Variants in ATP8B2 observed in about 807,000 individuals in gnomAD.
ATP8B2 encodes phospholipid-transporting ATPase ID.
Under a neutral mutation model 133.4 loss-of-function variants are expected in ATP8B2, and 70 were observed. The observed-to-expected ratio is 0.52, with a 90% CI of 0.43 to 0.64. The LOEUF is 0.64. Among genes scored for constraint, ATP8B2 ranks in the 30% least tolerant of loss-of-function variants. The pLI, the probability that ATP8B2 is intolerant of heterozygous loss-of-function variation, is 0.00. For synonymous variants in ATP8B2, 517 were observed against 589.5 expected (o/e 0.88, Z 1.78); for missense variants, 1,101 against 1,535.7 (o/e 0.72, Z 4.73).
rs766756850 is a variant in ATP8B2, at chr1:154,328,725, G to C, written c.31+553G>C. ...CGGGGGCGGAACCCTGGGCGTGCTC[G>C]GCGTGTCCGGGGCCACTCAGCGCAC... is the stretch of plus-strand genomic sequence containing the variant. On this transcript the variant is annotated intron_variant, in intron 2 of 27. Coordinates refer to ENST00000368489, the MANE Select transcript of ATP8B2 (RefSeq NM_001370597.1). This position sits in a 1 kb window ranked among gnomAD's most constrained non-coding sequence, Gnocchi z 4.6. The C allele has an allele frequency of 1.1e-6, 1 of 903,700 alleles. No homozygotes were observed. The highest frequency in any genetic ancestry group is 1.3e-6 in the Non-Finnish European group (1 of 754,560). The allele number at this position is 903,700 out of a possible 1,614,324, so 56.0% of individuals were successfully genotyped here.
rs780201113 is a variant in ATP8B2, at chr1:154,349,050, C to T, written c.3505C>T (p.Leu1169=). The change falls in exon 28 of 28, where the codon CTG becomes TTG. Residue 1169 remains leucine (L), a synonymous_variant. Transcript: ENST00000368489. ...CTCCAGCTCCAGCTGGATTGAGAGCCTGCGCAGGAAGAAGAGTGACAGTGC... is the reference window on the plus strand; with the variant it reads ...CTCCAGCTCCAGCTGGATTGAGAGCTTGCGCAGGAAGAAGAGTGACAGTGC... ...TRSSSSWIES[L]RRKKSDSASS... is the part of the protein sequence containing the mutation. The T allele has an allele frequency of 1.5e-5, 24 of 1,614,250 alleles. No individual in the cohort carries two copies. The South Asian group carries it at 2.3e-4, about 16-fold the overall frequency.
At position 154,337,370 on chromosome 1, in the gene ATP8B2, T is replaced by G. The variant is rs1157300660; in HGVS notation, c.860T>G (p.Met287Arg). ...CAGATTTTTGGATTCCTGGTTTGCA[T>G]GGGGGTGATCCTGGCCATTGGCAAT... The part of the protein sequence containing the change: ...VLWIFGFLVC[M>R]GVILAIGNAI... The change falls in exon 12 of 28, where the codon ATG becomes AGG. Residue 287 changes from methionine to arginine, a missense_variant. By Grantham distance (91) the Met-to-Arg change is moderately conservative. Transcript: ENST00000368489. 1 of 1,613,382 alleles carries G rather than the reference T, an allele frequency of 6.2e-7. No individual in the cohort carries two copies. The highest frequency in any genetic ancestry group is 2.2e-5 in the East Asian group (1 of 44,882).
chr1:154,349,233 T>C lies in ATP8B2; in HGVS notation c.*115T>C. 7.4e-7 allele frequency: 1 copy of C among 1,342,618 alleles called. No homozygotes were observed. The highest frequency in any genetic ancestry group is 1.0e-6 in the Non-Finnish European group (1 of 984,826). The allele number at this position is 1,342,618 out of a possible 1,614,324, so 83.2% of individuals were successfully genotyped here. ...CATTCCTTGCTTCCCGTCCCCCCGG[T>C]AGACTCTGTCCTGCTGGTCCCACCA... is the stretch of plus-strand genomic sequence containing the variant. On this transcript the variant is annotated 3_prime_UTR_variant, in exon 28 of 28. Transcript: ENST00000368489.
intron 12 of ATP8B2, 147 bp downstream of exon 12, chr1:154,337,691 T>C: frequency 6.4e-7 from 1 of 1,573,630 alleles, no homozygotes; most frequent in East Asian, 2.2e-5. Flanking sequence ...CTGTTTATCT[T>C]TGTGGGCAGA....
At chr1:154,339,439 CTG>C (rs1428639681) in intron 12 of ATP8B2, among the ~76,000 whole-genome samples, 2 of 152,234 alleles carry the variant, frequency 1.3e-5, no homozygotes, top group Non-Finnish European at 2.9e-5. Flanking sequence ...ACTTAAGTGA[CTG>C]TACAGTTACT....
Position 154,346,412 on chromosome 1 carries a change from T to G in ATP8B2, c.2960T>G (p.Leu987Arg). The G allele has an allele frequency of 6.2e-7, 1 of 1,614,212 alleles. No individual in the cohort carries two copies. The highest frequency in any genetic ancestry group is 2.2e-5 in the East Asian group (1 of 44,876). Residue 987 changes from leucine (L) to arginine (R), a missense_variant, in exon 25 of 28, where the codon CTG (leucine) becomes CGG (arginine). By Grantham distance (102) the Leu-to-Arg change is moderately radical (BLOSUM62 -2). Transcript: ENST00000368489. This position sits in a 1 kb window ranked among gnomAD's most constrained non-coding sequence, Gnocchi z 4.5. ...ADATRDDGTQ[L>R]ADYQSFAVTV... ...GCCACCCGGGATGATGGCACTCAGC[T>G]GGCTGACTACCAGTCCTTTGCAGTC...
chr1:154,341,269 G>C (rs576754635), intron 13 of ATP8B2: 4 of 641,720 alleles, frequency 6.2e-6, no homozygotes, highest in African/African-American at 1.8e-5. Flanking sequence ...AGGATTGCTC[G>C]AGCCCAGGAA....
chr1:154,345,309 C>G lies in ATP8B2; in HGVS notation c.2471-13C>G. 1 of 1,613,754 alleles carries G rather than the reference C, an allele frequency of 6.2e-7. No individual in the cohort carries two copies. The highest frequency in any genetic ancestry group is 2.2e-5 in the East Asian group (1 of 44,882). ...GGCCATCTTCACCCTCTTGTCATCT[C>G]TTGTCTCTGCAGCGGCTCACATTGG... On this transcript the variant is annotated splice_polypyrimidine_tract_variant and intron_variant, in intron 22 of 27. Coordinates refer to ENST00000368489, the MANE Select transcript of ATP8B2 (RefSeq NM_001370597.1). The surrounding 1 kb of genome is among the most constrained non-coding windows in gnomAD (Gnocchi z 5.6).
Position 154,344,083 on chromosome 1 carries a change from A to G in ATP8B2, c.1923+26A>G, listed in dbSNP as rs763940724. 7.4e-6 allele frequency: 12 copies of G among 1,614,110 alleles called. No individual in the cohort carries two copies. In the East Asian group the frequency reaches 1.8e-4, roughly 24 times the overall value. ...GTACGGGCTGCGGGACGGGCCAAGG[A>G]TGGGCACGGAGGGCTCATGCCTGCA... On this transcript the variant is annotated intron_variant, in intron 18 of 27. Coordinates refer to ENST00000368489, the MANE Select transcript of ATP8B2 (RefSeq NM_001370597.1). This position sits in a 1 kb window ranked among gnomAD's most constrained non-coding sequence, Gnocchi z 4.1.
chr1:154,335,803 A>G (rs1686160363), intron 11 of ATP8B2, among the ~76,000 whole-genome samples: 1 of 151,996 alleles, frequency 6.6e-6, no homozygotes, highest in Non-Finnish European at 1.5e-5. Context: ...ACTTTGGGAG[A>G]CCGAGGTGGG....
At chr1:154,338,389 C>T (rs181053436) in intron 12 of ATP8B2, among the ~76,000 whole-genome samples, 153 of 152,270 alleles carry the variant, frequency 1.0e-3, no homozygotes, top group African/African-American at 3.6e-3. Flanking sequence ...AGACTGGGCA[C>T]GGTGGCTCAC....
chr1:154,328,919 C>T lies in ATP8B2; in HGVS notation c.31+747C>T. 1 of 1,281,736 alleles carries T rather than the reference C, an allele frequency of 7.8e-7. No individual in the cohort carries two copies. Among genetic ancestry groups the T allele is most frequent in the East Asian group, 6.9e-5 (1 of 14,582 alleles). The allele number at this position is 1,281,736 out of a possible 1,614,324, so 79.4% of individuals were successfully genotyped here. Reference sequence around the variant, plus strand: ...GCGGCTCCTGCACCTCCCCGGGGAGCCGCCCCGTCGATGCCACTAAGGCCA... The same window carrying T: ...GCGGCTCCTGCACCTCCCCGGGGAGTCGCCCCGTCGATGCCACTAAGGCCA... On this transcript the variant is annotated intron_variant, in intron 2 of 27. Transcript: ENST00000368489. This position sits in a 1 kb window ranked among gnomAD's most constrained non-coding sequence, Gnocchi z 4.6.
rs1338044581 is a variant in ATP8B2, at chr1:154,328,105, G to C, written c.-37G>C. ...CTCATTCGTCTGTCACTTCTTGCAG[G>C]GTCTCCCATGGGATTGCTGGGATCT... On this transcript the variant is annotated splice_region_variant and 5_prime_UTR_variant, in exon 2 of 28. Coordinates refer to ENST00000368489, the MANE Select transcript of ATP8B2 (RefSeq NM_001370597.1). This position sits in a 1 kb window ranked among gnomAD's most constrained non-coding sequence, Gnocchi z 4.6. The C allele has an allele frequency of 6.2e-7, 1 of 1,614,074 alleles. No individual in the cohort carries two copies.
intron 2 of ATP8B2, among the ~76,000 whole-genome samples, chr1:154,329,284 A>G (rs1245246018): frequency 6.6e-6 from 1 of 152,108 alleles, no homozygotes; most frequent in Non-Finnish European, 1.5e-5. Flanking sequence ...GAGCCCCTCT[A>G]GGGAAGTTTA....
At chr1:154,326,570 C>T (rs1171118684) in intron 1 of ATP8B2, among the ~76,000 whole-genome samples, 1 of 152,168 alleles carries the variant, frequency 6.6e-6, no homozygotes, top group Non-Finnish European at 1.5e-5. Context: ...CCAGGTCTCT[C>T]CTCTCTTCCC....
At position 154,328,276 on chromosome 1, in the gene ATP8B2, G is replaced by T; in HGVS notation, c.31+104G>T. On this transcript the variant is annotated intron_variant, in intron 2 of 27. Coordinates refer to ENST00000368489, the MANE Select transcript of ATP8B2 (RefSeq NM_001370597.1). This position sits in a 1 kb window ranked among gnomAD's most constrained non-coding sequence, Gnocchi z 4.6. ...GGACAACTGGTATGGGTCTGAGGGA[G>T]GGTAGCTTACAGCAGCCCCTACCCA... 1 of 1,288,398 alleles carries T rather than the reference G, an allele frequency of 7.8e-7. No homozygotes were observed. The highest frequency in any genetic ancestry group is 1.1e-6 in the Non-Finnish European group (1 of 889,114). The allele number at this position is 1,288,398 out of a possible 1,614,324, so 79.8% of individuals were successfully genotyped here.
At position 154,345,217 on chromosome 1, in the gene ATP8B2, C is replaced by A; in HGVS notation, c.2470+63C>A. 1 of 1,600,578 alleles carries A rather than the reference C, an allele frequency of 6.2e-7. No individual in the cohort carries two copies. Among genetic ancestry groups the A allele is most frequent in the Admixed American group, 1.7e-5 (1 of 59,150 alleles). ...AGGCTGGGGAGGGGCCCACTGAGGT[C>A]TCTGGACTGCAGAAGAATGACGGGA... On this transcript the variant is annotated intron_variant, in intron 22 of 27. Coordinates refer to ENST00000368489, the MANE Select transcript of ATP8B2 (RefSeq NM_001370597.1). The surrounding 1 kb of genome is among the most constrained non-coding windows in gnomAD (Gnocchi z 5.6).
At chr1:154,326,533 A>T (rs144685825) in intron 1 of ATP8B2, among the ~76,000 whole-genome samples, 20 of 152,270 alleles carry the variant, frequency 1.3e-4, no homozygotes, top group Non-Finnish European at 2.8e-4. Flanking sequence ...GAGACTAAGA[A>T]GGAAAAGTGA....
chr1:154,328,984 G>A lies in ATP8B2; in HGVS notation c.31+812G>A, dbSNP rs1685890509. 2.3e-6 allele frequency: 3 copies of A among 1,304,132 alleles called. No homozygotes were observed. The highest frequency in any genetic ancestry group is 3.0e-6 in the Non-Finnish European group (3 of 988,884). The allele number at this position is 1,304,132 out of a possible 1,614,324, so 80.8% of individuals were successfully genotyped here. A position where few individuals can be genotyped will look rare whatever the true frequency, so the allele number is the denominator to read the frequency against. On this transcript the variant is annotated intron_variant, in intron 2 of 27. Transcript: ENST00000368489. The surrounding 1 kb of genome is among the most constrained non-coding windows in gnomAD (Gnocchi z 4.6). ...GTCTGCCCTCCCCCACTCAAACCGG[G>A]ATCATGACGGTCCCCAAGGAGATGC...
Sources: gnomAD v4.1 joint callset for allele counts (sites outside exome capture counted in the v4.1 genomes callset) on GRCh38, gnomAD v4.1.1 for gene constraint, Gnocchi (gnomAD v3.1) non-coding constraint, MANE v1.5 for transcripts, NCBI Gene and HGNC (gene_info 2026-07-23, HGNC 2026-07-21) for gene names.